ATP5ME: variants seen among roughly 807,000 people sequenced by gnomAD.
The protein encoded by ATP5ME is ATP synthase membrane subunit e.
Under a neutral mutation model 11.6 loss-of-function variants are expected in ATP5ME, and 10 were observed. That is an observed-to-expected ratio of 0.86 (90% CI 0.53 to 1.46). ATP5ME has a LOEUF of 1.46. ATP5ME is among the 40% of genes most tolerant of loss of function. The pLI is 0.00. For synonymous variants in ATP5ME, 45 were observed against 33.5 expected, an observed-to-expected ratio of 1.34 and a Z score of -1.19; for missense variants, 115 against 85.4, an observed-to-expected ratio of 1.35 and a Z score of -1.37.
intron 3 of ATP5ME, among the ~76,000 whole-genome samples, chr4:672,953 G>A (rs1045878611): frequency 6.6e-6 from 1 of 152,224 alleles, no homozygotes; most frequent in African/African-American, 2.4e-5. Context: ...TCACCATCTT[G>A]CCCAGGCTGG....
chr4:672,610 T>A (rs575067668), intron 3 of ATP5ME, 91 bp from the exon 4 acceptor site: 2 of 1,432,478 alleles, frequency 1.4e-6, no homozygotes, highest in Middle Eastern at 2.3e-4. Flanking sequence ...TTTTTTTTTT[T>A]TTTTTTGTTT....
rs1377381292 is a variant in ATP5ME at position 672,556 on chromosome 4, C to T, written c.191-37G>A. ...AGGTTAGAAGAAAAGCACATGTTAC[C>T]ACTCAGGCAACCTAAAAAGACCACT... On this transcript the variant is annotated intron_variant, in intron 3 of 3. Coordinates refer to ENST00000304312, the MANE Select transcript of ATP5ME (RefSeq NM_007100.4). The T allele has an allele frequency of 3.7e-6, 6 of 1,611,770 alleles. No individual in the cohort carries two copies. The Admixed American group carries it at 1.0e-4, about 27-fold the overall frequency.
In ATP5ME at chr4:674,216, A is replaced by C. The variant is rs767699650; in HGVS notation, c.32T>G (p.Ile11Ser). The change falls in exon 1 of 4, where the codon ATC (isoleucine) becomes AGC (serine). Residue 11 changes from isoleucine (I) to serine (S), a missense_variant. Coordinates refer to ENST00000304312, the MANE Select transcript of ATP5ME (RefSeq NM_007100.4). MVPPVQVSPLIKLGRYSALFL... is the reference protein window; with the variant it reads MVPPVQVSPLSKLGRYSALFL... The stretch of plus-strand genomic sequence containing the variant: ...CGGCTGCAAAGCCTGGATCACCTTG[A>C]TGAGCGGAGAGACCTGCACCGGTGG... 1.9e-6 allele frequency: 3 copies of C among 1,611,670 alleles called. No homozygotes were observed. The Admixed American group carries it at 5.0e-5, about 27-fold the overall frequency.
At chr4:672,661 A>G in intron 3 of ATP5ME, 142 bp from the exon 4 acceptor site, 1 of 872,560 alleles carries the variant, frequency 1.1e-6, no homozygotes, top group East Asian at 2.7e-5. Context: ...GCGCAATCTC[A>G]GCTCACTGCA....
Position 673,394 on chromosome 4 carries a change from T to C in ATP5ME, c.99A>G (p.Leu33=), listed in dbSNP as rs769643449. 6.2e-7 allele frequency: 1 copy of C among 1,614,030 alleles called. No individual in the cohort carries two copies. The highest frequency in any genetic ancestry group is 1.3e-5 in the African/African-American group (1 of 74,936). The change falls in exon 3 of 4, where the codon CTA becomes CTG. Residue 33 remains leucine (L), a synonymous_variant. Transcript: ENST00000304312. ...VAYGATRYNY[L]KPRAEEERRI... ...TCCTCTCCTCTTCTGCCCGAGGTTT[T>C]AGGTAATCTGTTTGGCGGAATGCAG...
chr4:673,446 T>C (rs1297326984), intron 2 of ATP5ME, 45 bp from the exon 3 acceptor site: 2 of 1,613,302 alleles, frequency 1.2e-6, no homozygotes, highest in African/African-American at 1.3e-5. Context: ...GGAAATGCTG[T>C]ACAAAAGGAA....
chr4:673,471 C>T, intron 2 of ATP5ME, 70 bp from the exon 3 acceptor site: 1 of 1,609,416 alleles, frequency 6.2e-7, no homozygotes, highest in South Asian at 1.1e-5. Flanking sequence ...GTCCACAGGT[C>T]AAGGTATCTT....
chr4:674,078 G>T (rs572921874), intron 1 of ATP5ME, 112 bp from the exon 2 acceptor site: 2 of 1,459,820 alleles, frequency 1.4e-6, no homozygotes, highest in African/African-American at 1.4e-5. Context: ...GTGGGGGTCC[G>T]GTCGCCGGGC....
chr4:674,257 G>T lies in ATP5ME; in HGVS notation c.-10C>A, dbSNP rs368066655. 1 of 1,611,594 alleles carries T rather than the reference G, an allele frequency of 6.2e-7. No individual in the cohort carries two copies. The highest frequency in any genetic ancestry group is 8.5e-7 in the Non-Finnish European group (1 of 1,179,194). ...GCACCGGTGGCACCATCTTGTCCCT[G>T]ACCTCCGCACCGGAAGCACAACCTG... is the stretch of plus-strand genomic sequence containing the variant. On this transcript the variant is annotated 5_prime_UTR_variant, in exon 1 of 4. Transcript: ENST00000304312.
At chr4:673,254 C>T (rs772213760) in intron 3 of ATP5ME, 49 bp downstream of exon 3, 3 of 1,613,694 alleles carry the variant, frequency 1.9e-6, no homozygotes, top group Non-Finnish European at 2.5e-6. Context: ...TTCCTTATCC[C>T]TGCACAAACC....
chr4:673,727 G>A, intron 2 of ATP5ME, 185 bp downstream of exon 2: 3 of 941,688 alleles, frequency 3.2e-6, no homozygotes, highest in Non-Finnish European at 4.8e-6. Context: ...CCCCGCCCGG[G>A]CCTCAGAAGC....
At chr4:673,806 G>T in intron 2 of ATP5ME, 106 bp downstream of exon 2, 1 of 1,407,520 alleles carries the variant, frequency 7.1e-7, no homozygotes, top group Non-Finnish European at 9.7e-7. Flanking sequence ...CTGCAGCCTC[G>T]CATGCGTCCC....
intron 3 of ATP5ME, 64 bp from the exon 4 acceptor site, chr4:672,583 C>G: frequency 6.9e-7 from 1 of 1,452,416 alleles, no homozygotes; most frequent in Non-Finnish European, 9.5e-7. Flanking sequence ...AAGACCACTT[C>G]AGCTTCCCAG....
intron 3 of ATP5ME, 83 bp from the exon 4 acceptor site, chr4:672,602 T>G: frequency 7.2e-7 from 1 of 1,389,400 alleles, no homozygotes; most frequent in East Asian, 2.3e-5. Flanking sequence ...AGTTATTTTT[T>G]TTTTTTTTTT....
chr4:674,005 C>A, intron 1 of ATP5ME, 39 bp from the exon 2 acceptor site: 2 of 1,538,584 alleles, frequency 1.3e-6, no homozygotes, highest in Non-Finnish European at 1.7e-6. Context: ...CGAAACGGGG[C>A]TCGCGGGACG....
rs371919160 is a variant in ATP5ME at position 674,274 on chromosome 4, C to G, written c.-27G>C. ...TTGTCCCTGACCTCCGCACCGGAAG[C>G]ACAACCTGCAGACGGAGCAGGATGC... On this transcript the variant is annotated 5_prime_UTR_variant, in exon 1 of 4. Transcript: ENST00000304312. The G allele has an allele frequency of 6.2e-7, 1 of 1,610,364 alleles. No individual in the cohort carries two copies. The highest frequency in any genetic ancestry group is 1.1e-5 in the South Asian group (1 of 90,814).
rs1452551601 is a variant in ATP5ME at position 674,236 on chromosome 4, C to T, written c.12G>A (p.Pro4=). 2 of 1,611,806 alleles carry T rather than the reference C, an allele frequency of 1.2e-6. No homozygotes were observed. Among genetic ancestry groups the T allele is most frequent in the African/African-American group, 1.3e-5 (1 of 74,862 alleles). Residue 4 remains proline (P), a synonymous_variant, in exon 1 of 4, where the codon CCG becomes CCA. Coordinates refer to ENST00000304312, the MANE Select transcript of ATP5ME (RefSeq NM_007100.4). ...CCTTGATGAGCGGAGAGACCTGCAC[C>T]GGTGGCACCATCTTGTCCCTGACCT... The part of the protein sequence containing the change: MVP[P]VQVSPLIKLG...
chr4:673,819 G>GC, intron 2 of ATP5ME, 93 bp downstream of exon 2: 1 of 1,477,248 alleles, frequency 6.8e-7, no homozygotes, highest in Non-Finnish European at 9.2e-7. Flanking sequence ...TGCGTCCCAA[G>GC]CCCCCTTCCA....
rs980205159 is a variant in ATP5ME at position 673,192 on chromosome 4, A to G, written c.190+111T>C. On this transcript the variant is annotated intron_variant, in intron 3 of 3. Coordinates refer to ENST00000304312, the MANE Select transcript of ATP5ME (RefSeq NM_007100.4). Reference sequence around the variant, plus strand: ...GCCACCACGCCTGGCCAGCTTCCCCATTTTTAAACAATCCGCATCTACTTA... The same window carrying G: ...GCCACCACGCCTGGCCAGCTTCCCCGTTTTTAAACAATCCGCATCTACTTA... The G allele has an allele frequency of 1.9e-6, 3 of 1,539,542 alleles. No homozygotes were observed. The African/African-American group carries it at 4.1e-5, about 21-fold the overall frequency.
Sources: allele counts gnomAD v4.1 joint callset (sites outside exome capture counted in the v4.1 genomes callset), GRCh38; gene constraint gnomAD v4.1.1; transcripts MANE v1.5; gene names NCBI Gene and HGNC (gene_info 2026-07-23, HGNC 2026-07-21).